The following GRM8 variants were observed in gnomAD, a reference collection of about 807,000 sequenced individuals.
GRM8 encodes the protein glutamate metabotropic receptor 8, also known as metabotropic glutamate receptor 8.
A neutral mutation model predicts 87.2 loss-of-function variants in GRM8; 47 were observed. The ratio of observed to expected loss-of-function variants is 0.54; its 90% CI spans 0.43 to 0.69. The LOEUF is 0.69. Ranked by LOEUF, GRM8 falls within the 30% of genes least tolerant of loss-of-function variation. GRM8 has a pLI of 0.00. For missense variants in GRM8, 1,019 were observed against 1,139.2 expected, an observed-to-expected ratio of 0.89 and a Z score of 1.52; for synonymous variants, 396 against 404.5, an observed-to-expected ratio of 0.98 and a Z score of 0.25.
chr7:126,494,460 A>G (rs1808443335), intron 9 of GRM8, among the ~76,000 whole-genome samples: 1 of 152,002 alleles, frequency 6.6e-6, no homozygotes, highest in African/African-American at 2.4e-5. Context: ...AGACATCCAA[A>G]AATTCAAGTC....
intron 8 of GRM8, among the ~76,000 whole-genome samples, chr7:126,607,945 T>A (rs940831133): frequency 6.7e-6 from 1 of 150,288 alleles, no homozygotes; most frequent in African/African-American, 2.5e-5. Context: ...CAAATTTCTG[T>A]GAAAAGTCCT....
chr7:126,554,342 G>T (rs1362075025), intron 8 of GRM8, among the ~76,000 whole-genome samples: 2 of 152,006 alleles, frequency 1.3e-5, no homozygotes, highest in African/African-American at 4.8e-5. Context: ...CACTTTGGGA[G>T]GCTGAGGTGG....
At chr7:127,010,062 C>T (rs769407720) in intron 3 of GRM8, among the ~76,000 whole-genome samples, 5 of 151,950 alleles carry the variant, frequency 3.3e-5, no homozygotes, top group African/African-American at 4.8e-5. Flanking sequence ...AGGCTGGTCT[C>T]GAACTCCTGA....
chr7:126,956,457 C>A (rs1318719650), intron 3 of GRM8, among the ~76,000 whole-genome samples: 5 of 152,166 alleles, frequency 3.3e-5, no homozygotes, highest in Non-Finnish European at 4.4e-5. Flanking sequence ...TCAATAAATG[C>A]TAAGTTTCAA....
intron 9 of GRM8, among the ~76,000 whole-genome samples, chr7:126,471,592 A>G (rs1805242568): frequency 6.6e-6 from 1 of 151,794 alleles, no homozygotes; most frequent in Non-Finnish European, 1.5e-5. Context: ...TGGTTACTGT[A>G]GCCTTGTAGT....
chr7:126,846,978 C>T (rs1018972255), intron 6 of GRM8, among the ~76,000 whole-genome samples: 1 of 152,144 alleles, frequency 6.6e-6, no homozygotes, highest in Admixed American at 6.6e-5. Context: ...ATAAGAAAGG[C>T]ATGACTTATG....
chr7:126,776,567 G>A (rs1004977235), intron 6 of GRM8, among the ~76,000 whole-genome samples: 6 of 152,086 alleles, frequency 3.9e-5, no homozygotes, highest in Admixed American at 6.6e-5. Flanking sequence ...AGAATAAAAG[G>A]CCCAAATGTT....
At chr7:126,534,206 TAAG>T (rs1815315566) in intron 8 of GRM8, among the ~76,000 whole-genome samples, 1 of 151,930 alleles carries the variant, frequency 6.6e-6, no homozygotes, top group African/African-American at 2.4e-5. Flanking sequence ...TACAAAAAAA[TAAG>T]AAGAAGCCCC....
intron 3 of GRM8, among the ~76,000 whole-genome samples, chr7:126,995,822 C>A (rs1172282574): frequency 1.3e-5 from 2 of 151,948 alleles, no homozygotes; most frequent in Non-Finnish European, 2.9e-5. Flanking sequence ...TATAAAAGAA[C>A]TTCCAAACTT....
intron 7 of GRM8, among the ~76,000 whole-genome samples, chr7:126,629,438 C>A (rs1249716424): frequency 6.6e-6 from 1 of 152,000 alleles, no homozygotes; most frequent in African/African-American, 2.4e-5. Context: ...TCAAATTGTT[C>A]TTTTATCTTG....
intron 3 of GRM8, among the ~76,000 whole-genome samples, chr7:127,035,175 T>C (rs1817738262): frequency 6.6e-6 from 1 of 152,196 alleles, no homozygotes; most frequent in Non-Finnish European, 1.5e-5. Context: ...AAACAATTCT[T>C]TTCCCACTGT....
chr7:126,564,806 A>C (rs976021684), intron 8 of GRM8, among the ~76,000 whole-genome samples: 15 of 152,218 alleles, frequency 9.9e-5, no homozygotes, highest in Non-Finnish European at 1.6e-4. Context: ...ATTCCTGATG[A>C]GTATAGAAGC....
chr7:127,244,530 C>G (rs974348249), intron 1 of GRM8, among the ~76,000 whole-genome samples: 1 of 152,072 alleles, frequency 6.6e-6, no homozygotes, highest in African/African-American at 2.4e-5. Context: ...TTGTAATGCA[C>G]AGCTAATTAA....
chr7:127,053,280 T>C (rs1819662258), intron 3 of GRM8, among the ~76,000 whole-genome samples: 1 of 152,222 alleles, frequency 6.6e-6, no homozygotes, highest in Admixed American at 6.5e-5. Context: ...CTTTGTTATT[T>C]ACAAGGTCTC....
intron 7 of GRM8, among the ~76,000 whole-genome samples, chr7:126,628,139 G>C (rs933661842): frequency 1.3e-5 from 2 of 152,164 alleles, no homozygotes; most frequent in Non-Finnish European, 2.9e-5. Flanking sequence ...CCACCTCCCA[G>C]GTAGTTCAAG....
intron 6 of GRM8, among the ~76,000 whole-genome samples, chr7:126,785,246 A>G (rs189842512): frequency 3.1e-4 from 47 of 152,320 alleles, no homozygotes; most frequent in African/African-American, 1.1e-3. Context: ...TTTTAGGAAC[A>G]AGACAGACTC....
At chr7:127,188,644 C>T (rs1322064986) in intron 2 of GRM8, among the ~76,000 whole-genome samples, 1 of 152,196 alleles carries the variant, frequency 6.6e-6, no homozygotes, top group Non-Finnish European at 1.5e-5. Context: ...TGTTCTCATG[C>T]CATGCTTAAT....
chr7:127,118,843 C>T (rs1235560093), intron 2 of GRM8, among the ~76,000 whole-genome samples: 3 of 152,192 alleles, frequency 2.0e-5, no homozygotes, highest in Admixed American at 2.0e-4. Context: ...CCTCTGTTCA[C>T]ATCTACAACT....
chr7:127,202,514 A>G (rs896301790), intron 2 of GRM8, among the ~76,000 whole-genome samples: 1 of 152,192 alleles, frequency 6.6e-6, no homozygotes, highest in African/African-American at 2.4e-5. Flanking sequence ...CGTATTTACA[A>G]ATAAATATTG....
Sources: allele counts gnomAD v4.1 joint callset (sites outside exome capture counted in the v4.1 genomes callset), GRCh38; gene constraint gnomAD v4.1.1; transcripts MANE v1.5; gene names NCBI Gene and HGNC (gene_info 2026-07-23, HGNC 2026-07-21).